TMPRSS11E: variants seen among roughly 807,000 people sequenced by gnomAD.
TMPRSS11E encodes the protein transmembrane serine protease 11E, also known as transmembrane protease serine 11E.
Under a neutral mutation model 48.1 loss-of-function variants are expected in TMPRSS11E, and 38 were observed. The ratio of observed to expected loss-of-function variants is 0.79; its 90% CI spans 0.61 to 1.04. TMPRSS11E has a LOEUF of 1.04. TMPRSS11E is among the 50% of genes least tolerant of loss of function. The pLI is 0.00. For missense variants in TMPRSS11E, 530 were observed against 510.8 expected (o/e 1.04, Z -0.36); for synonymous variants, 158 against 171.9 (o/e 0.92, Z 0.63).
intron 1 of TMPRSS11E, among the ~76,000 whole-genome samples, chr4:68,455,710 T>C (rs917134953): frequency 2.6e-5 from 4 of 152,000 alleles, no homozygotes; most frequent in Non-Finnish European, 4.4e-5. Context: ...GCACACTGCT[T>C]GTTAATTCTT....
chr4:68,483,251 G>C (rs887164417), intron 9 of TMPRSS11E, among the ~76,000 whole-genome samples: 1 of 18,176 alleles, frequency 5.5e-5, no homozygotes, highest in Non-Finnish European at 1.2e-4. Context: ...GCAGGAGCGA[G>C]AGAGAGAGAG....
intron 9 of TMPRSS11E, among the ~76,000 whole-genome samples, chr4:68,490,917 C>T (rs765875739): frequency 2.0e-4 from 30 of 152,070 alleles, no homozygotes; most frequent in East Asian, 3.9e-4. Context: ...TGCCACGACA[C>T]CTGACTAATT....
chr4:68,466,803 T>C (rs763952711), intron 3 of TMPRSS11E, 51 bp downstream of exon 3: 8 of 1,607,952 alleles, frequency 5.0e-6, no homozygotes, highest in Non-Finnish European at 6.8e-6. Flanking sequence ...CTTTTTACCA[T>C]ATTTTTAGCA....
At chr4:68,450,639 C>T (rs944517013) in intron 1 of TMPRSS11E, among the ~76,000 whole-genome samples, 3 of 151,872 alleles carry the variant, frequency 2.0e-5, no homozygotes, top group African/African-American at 7.2e-5. Context: ...TGAAATCATG[C>T]ACATTTATGC....
intron 1 of TMPRSS11E, among the ~76,000 whole-genome samples, chr4:68,449,751 G>C (rs754962840): frequency 6.6e-6 from 1 of 151,836 alleles, no homozygotes; most frequent in African/African-American, 2.4e-5. Context: ...GTGTAAGCCT[G>C]AAAGAAATTA....
intron 1 of TMPRSS11E, among the ~76,000 whole-genome samples, chr4:68,454,991 G>A (rs1035318657): frequency 6.6e-6 from 1 of 151,828 alleles, no homozygotes; most frequent in Admixed American, 6.6e-5. Flanking sequence ...ACAAGATATT[G>A]TTAACTAAAA....
intron 8 of TMPRSS11E, among the ~76,000 whole-genome samples, chr4:68,478,165 TGAGACAGAG>T (rs1560555462): frequency 1.3e-5 from 2 of 150,178 alleles, no homozygotes; most frequent in African/African-American, 2.4e-5. Context: ...TTTTTTTTTT[TGAGACAGAG>T]TCTCCTTGTT....
chr4:68,477,379 C>T lies in TMPRSS11E; in HGVS notation c.718C>T (p.Pro240Ser), dbSNP rs1398683513. Residue 240 changes from proline (P) to serine (S), a missense_variant, in exon 8 of 10, where the codon CCT (proline) becomes TCT (serine). By Grantham distance (74) the Pro-to-Ser change is moderately conservative. Coordinates refer to ENST00000305363, the MANE Select transcript of TMPRSS11E (RefSeq NM_014058.4). The stretch of plus-strand genomic sequence containing the variant: ...TTTTTTTCTCCCCAGATATAAGAAC[C>T]CTGCCAGATGGACTGCTTCCTTTGG... ...AAHCFTTYKN[P>S]ARWTASFGVT... 3 of 1,610,942 alleles carry T rather than the reference C, an allele frequency of 1.9e-6. No homozygotes were observed. The highest frequency in any genetic ancestry group is 2.5e-6 in the Non-Finnish European group (3 of 1,178,810).
intron 9 of TMPRSS11E, among the ~76,000 whole-genome samples, chr4:68,494,354 C>A (rs879143614): frequency 6.6e-6 from 1 of 152,096 alleles, no homozygotes; most frequent in Non-Finnish European, 1.5e-5. Context: ...TTAAGTTTCT[C>A]GCTCATATTA....
chr4:68,452,307 T>G (rs1336675531), intron 1 of TMPRSS11E, among the ~76,000 whole-genome samples: 1 of 152,012 alleles, frequency 6.6e-6, no homozygotes, highest in Non-Finnish European at 1.5e-5. Context: ...GTGGCCCATT[T>G]AAAATTAGTT....
intron 9 of TMPRSS11E, among the ~76,000 whole-genome samples, chr4:68,489,088 T>A (rs867825323): frequency 1.3e-5 from 2 of 152,238 alleles, no homozygotes; most frequent in Admixed American, 6.5e-5. Context: ...ATTGGTTCTT[T>A]CTCATCTGTG....
intron 9 of TMPRSS11E, among the ~76,000 whole-genome samples, chr4:68,483,172 AG>A (rs1729456501): frequency 6.6e-6 from 1 of 152,150 alleles, no homozygotes; most frequent in Non-Finnish European, 1.5e-5. Context: ...CTTAGCTCCT[AG>A]GGAGGCATCA....
chr4:68,491,047 C>T (rs542264695), intron 9 of TMPRSS11E, among the ~76,000 whole-genome samples: 2 of 152,032 alleles, frequency 1.3e-5, no homozygotes, highest in South Asian at 2.1e-4. Flanking sequence ...GTGTGAGCCA[C>T]TGCACCTGGT....
intron 7 of TMPRSS11E, among the ~76,000 whole-genome samples, chr4:68,476,909 A>C (rs898551012): frequency 2.0e-5 from 3 of 152,226 alleles, no homozygotes; most frequent in Non-Finnish European, 2.9e-5. Flanking sequence ...GACTAATTAT[A>C]TTGCAAGAAA....
chr4:68,465,946 T>C (rs1728915879), intron 2 of TMPRSS11E, among the ~76,000 whole-genome samples: 1 of 152,164 alleles, frequency 6.6e-6, no homozygotes, highest in South Asian at 2.1e-4. Flanking sequence ...AAATGTGGGT[T>C]GCTTAAATTG....
intron 2 of TMPRSS11E, 113 bp from the exon 3 acceptor site, chr4:68,466,518 C>A: frequency 8.8e-7 from 1 of 1,130,656 alleles, no homozygotes; most frequent in Non-Finnish European, 1.3e-6. Flanking sequence ...ATGACCTGTG[C>A]TAAGAGCATT....
rs972177139 is a variant in TMPRSS11E, at chr4:68,459,539, G to A, written c.12-2282G>A. On this transcript the variant is annotated intron_variant, in intron 1 of 9. Transcript: ENST00000305363. ...TATAGTTTCATTATTTATGAAAACC[G>A]AAACATGAAATGCATATTATTCTAT... Among the ~76,000 whole-genome samples the A allele has an allele frequency of 5.9e-5, 9 of 151,894 alleles. No individual in the cohort carries two copies. The South Asian group carries it at 8.3e-4, about 14-fold the overall frequency.
chr4:68,463,461 C>T (rs1728847659), intron 2 of TMPRSS11E, among the ~76,000 whole-genome samples: 1 of 152,020 alleles, frequency 6.6e-6, no homozygotes, highest in Admixed American at 6.6e-5. Flanking sequence ...GCCACCACAC[C>T]CGGCTAATTT....
intron 9 of TMPRSS11E, among the ~76,000 whole-genome samples, chr4:68,486,738 C>T (rs1412467173): frequency 6.6e-6 from 1 of 152,086 alleles, no homozygotes; most frequent in Non-Finnish European, 1.5e-5. Flanking sequence ...TTGAAATCTC[C>T]ACTATAATTT....
Sources: gnomAD v4.1 joint callset for allele counts (sites outside exome capture counted in the v4.1 genomes callset) on GRCh38, gnomAD v4.1.1 for gene constraint, MANE v1.5 for transcripts, NCBI Gene and HGNC (gene_info 2026-07-23, HGNC 2026-07-21) for gene names.